The following MAPK10 variants were observed in gnomAD, a reference collection of about 807,000 sequenced individuals.
MAPK10 encodes the protein JNK3 alpha protein kinase.
In MAPK10, 25 loss-of-function variants were observed where a neutral mutation model predicts 59.3. That is an observed-to-expected ratio of 0.42 (90% confidence interval 0.31 to 0.59). The LOEUF (loss-of-function observed/expected upper bound fraction) is 0.59. MAPK10 is among the 20% of genes least tolerant of loss of function. The pLI, the probability that MAPK10 is intolerant of heterozygous loss-of-function variation, is 0.15. For missense variants in MAPK10, 351 were observed against 568.9 expected (o/e 0.62, Z 3.90); for synonymous variants, 190 against 200.5 (o/e 0.95, Z 0.44).
intron 3 of MAPK10, among the ~76,000 whole-genome samples, chr4:86,182,945 A>G (rs1582140574): frequency 2.0e-5 from 3 of 152,206 alleles, no homozygotes; most frequent in East Asian, 3.9e-4. Flanking sequence ...ACTCTCATTA[A>G]AAATAAACAT....
intron 4 of MAPK10, among the ~76,000 whole-genome samples, chr4:86,121,296 AAGGC>A (rs1411036499): frequency 2.0e-5 from 3 of 152,148 alleles, no homozygotes; most frequent in Non-Finnish European, 1.5e-5. Flanking sequence ...TTCCTCATAG[AAGGC>A]ACCATCTTGT....
upstream of MAPK10, among the ~76,000 whole-genome samples, chr4:86,455,758 A>C (rs1751172769): frequency 6.6e-6 from 1 of 152,172 alleles, no homozygotes; most frequent in African/African-American, 2.4e-5. Context: ...TCAAGACAGA[A>C]AGGCAACAAA....
intron 11 of MAPK10, among the ~76,000 whole-genome samples, chr4:86,036,360 T>C (rs1312868692): frequency 6.6e-6 from 1 of 151,558 alleles, no homozygotes; most frequent in East Asian, 1.9e-4. Flanking sequence ...AAAGAAACCA[T>C]AGAACAATTG....
At chr4:86,462,083 C>T (rs527853407) in intron 1 of MAPK10, among the ~76,000 whole-genome samples, 13 of 151,358 alleles carry the variant, frequency 8.6e-5, no homozygotes, top group African/African-American at 2.7e-4. Flanking sequence ...ATTTGTCCCC[C>T]GCCACAGCGC....
chr4:86,120,057 A>C (rs1037937774), intron 4 of MAPK10: 1 of 152,258 alleles, frequency 6.6e-6, no homozygotes, highest in African/African-American at 2.4e-5. Context: ...CTTCTGGAGA[A>C]TACAGTGTTT....
chr4:86,370,863 T>C (rs1738653565), intron 1 of MAPK10: 1 of 152,202 alleles, frequency 6.6e-6, no homozygotes, highest in Non-Finnish European at 1.5e-5. Context: ...ATGATAATTA[T>C]GGTTCTGTAA....
chr4:86,486,347 A>G (rs1345658581), intron 1 of MAPK10, among the ~76,000 whole-genome samples: 2 of 152,238 alleles, frequency 1.3e-5, no homozygotes, highest in African/African-American at 4.8e-5. Context: ...ACTGGGGAGT[A>G]GAGAAGGATA....
intron 1 of MAPK10, among the ~76,000 whole-genome samples, chr4:86,498,433 G>C (rs145734759): frequency 2.0e-5 from 3 of 152,192 alleles, no homozygotes; most frequent in African/African-American, 7.2e-5. Context: ...TAACAACAGA[G>C]CCATCATTTT....
chr4:86,591,890 T>G (rs1763072931), intron 1 of MAPK10, among the ~76,000 whole-genome samples: 1 of 152,172 alleles, frequency 6.6e-6, no homozygotes. Flanking sequence ...TGCCTTGTAC[T>G]TGACTTCAAT....
At chr4:86,458,953 A>G (rs1751479367) in intron 1 of MAPK10, among the ~76,000 whole-genome samples, 1 of 152,238 alleles carries the variant, frequency 6.6e-6, no homozygotes, top group Non-Finnish European at 1.5e-5. Flanking sequence ...AGCAGAAGGA[A>G]CAGTCAGCAG....
At chr4:86,254,357 A>C (rs1295436727) in intron 2 of MAPK10, among the ~76,000 whole-genome samples, 2 of 33,578 alleles carry the variant, frequency 6.0e-5, no homozygotes, top group Non-Finnish European at 9.5e-5. Flanking sequence ...TGCGTCCCAG[A>C]GATTCTGGTA....
intron 1 of MAPK10, among the ~76,000 whole-genome samples, chr4:86,355,692 G>A (rs1053197665): frequency 2.0e-5 from 3 of 152,116 alleles, no homozygotes; most frequent in African/African-American, 7.2e-5. Flanking sequence ...GAAAAAGTCA[G>A]TCCCTGATGG....
At chr4:86,588,452 T>C (rs1421059562) in intron 1 of MAPK10, among the ~76,000 whole-genome samples, 1 of 152,210 alleles carries the variant, frequency 6.6e-6, no homozygotes, top group African/African-American at 2.4e-5. Context: ...TTTATAGATA[T>C]AGGTATTTTT....
intron 1 of MAPK10, among the ~76,000 whole-genome samples, chr4:86,479,166 C>T (rs1190322225): frequency 2.0e-5 from 3 of 152,210 alleles, no homozygotes; most frequent in Admixed American, 6.5e-5. Context: ...CAGAATTCCT[C>T]GGTTTGGCCT....
chr4:86,058,336 T>C lies in MAPK10; in HGVS notation c.1110+5930A>G, dbSNP rs1213737021. On this transcript the variant is annotated intron_variant, in intron 11 of 13. Coordinates refer to ENST00000641462, the MANE Select transcript of MAPK10 (RefSeq NM_138982.4). Reference sequence around the variant, plus strand: ...AGCCCTGGACACATTTGCCCACAGATGCTGTCCTCCCCCTTTCTTTAGTTG... The same window carrying C: ...AGCCCTGGACACATTTGCCCACAGACGCTGTCCTCCCCCTTTCTTTAGTTG... 2.7e-5 allele frequency among the ~76,000 whole-genome samples: 4 copies of C among 149,458 alleles called. 1 individual carries two copies. The highest frequency in any genetic ancestry group is 5.9e-5 in the Non-Finnish European group (4 of 67,448).
intron 1 of MAPK10, among the ~76,000 whole-genome samples, chr4:86,449,093 C>G (rs756450839): frequency 9.9e-5 from 15 of 152,000 alleles, no homozygotes; most frequent in Non-Finnish European, 1.9e-4. Context: ...CACCGCACCA[C>G]CCCCACCTCA....
chr4:86,309,996 A>G (rs1017333642), intron 2 of MAPK10, among the ~76,000 whole-genome samples: 3 of 152,202 alleles, frequency 2.0e-5, no homozygotes, highest in Non-Finnish European at 4.4e-5. Flanking sequence ...CATTCTATTC[A>G]AAGTTATCCC....
chr4:86,139,595 G>C (rs1389225459), intron 4 of MAPK10, among the ~76,000 whole-genome samples: 2 of 152,104 alleles, frequency 1.3e-5, no homozygotes, highest in African/African-American at 2.4e-5. Flanking sequence ...AGAAAACCAA[G>C]GCATTACCAT....
intron 1 of MAPK10, among the ~76,000 whole-genome samples, chr4:86,448,755 T>TA (rs1219800826): frequency 6.6e-6 from 1 of 152,178 alleles, no homozygotes; most frequent in Non-Finnish European, 1.5e-5. Flanking sequence ...GCATTACATT[T>TA]AATTGTGCAC....
Sources: gnomAD v4.1 joint callset for allele counts (sites outside exome capture counted in the v4.1 genomes callset) on GRCh38, gnomAD v4.1.1 for gene constraint, MANE v1.5 for transcripts, NCBI Gene and HGNC (gene_info 2026-07-23, HGNC 2026-07-21) for gene names.